TTBK2: variants seen among roughly 807,000 people sequenced by gnomAD.
TTBK2 encodes tau tubulin kinase 2, also known as tau-tubulin kinase 2.
TTBK2 carries 28 observed loss-of-function variants against 110.8 expected under a neutral mutation model. The observed-to-expected ratio is 0.25, with a 90% CI of 0.19 to 0.35. The LOEUF is 0.35. Ranked by LOEUF, TTBK2 falls within the 10% of genes least tolerant of loss-of-function variation. TTBK2 has a pLI of 1.00. For missense variants in TTBK2, 1,369 were observed against 1,500.3 expected, an observed-to-expected ratio of 0.91 and a Z score of 1.45; for synonymous variants, 532 against 527.3, an observed-to-expected ratio of 1.01 and a Z score of -0.12.
chr15:42,915,493 G>A (rs1443497514), intron 1 of TTBK2, among the ~76,000 whole-genome samples: 1 of 152,150 alleles, frequency 6.6e-6, no homozygotes, highest in East Asian at 1.9e-4. Context: ...CTTTATCACA[G>A]CCATGTATGT....
At chr15:42,867,655 G>A (rs531903449) in intron 3 of TTBK2, among the ~76,000 whole-genome samples, 1 of 152,230 alleles carries the variant, frequency 6.6e-6, no homozygotes, top group Non-Finnish European at 1.5e-5. Context: ...CCTATCTGAT[G>A]GCCAAAATCC....
chr15:42,800,495 T>C (rs1891136811), intron 9 of TTBK2, among the ~76,000 whole-genome samples: 1 of 152,214 alleles, frequency 6.6e-6, no homozygotes, highest in South Asian at 2.1e-4. Context: ...GTCCAGCTTT[T>C]GCAAAACCAA....
chr15:42,766,228 C>T (rs544495669), intron 13 of TTBK2, among the ~76,000 whole-genome samples: 1 of 151,864 alleles, frequency 6.6e-6, no homozygotes, highest in South Asian at 2.1e-4. Context: ...GCAAAATAAC[C>T]AGCTAACATC....
At position 42,764,629 on chromosome 15, in the gene TTBK2, C is replaced by T. The variant is rs903876385; in HGVS notation, c.1998+10506G>A. On this transcript the variant is annotated intron_variant, in intron 13 of 14. Transcript: ENST00000267890. ...GAAGCTCGAACTGGGCAGAGCCCACCGCAGCTCAGCAAGGCCTGCTGCCTC... is the reference window on the plus strand; with the variant it reads ...GAAGCTCGAACTGGGCAGAGCCCACTGCAGCTCAGCAAGGCCTGCTGCCTC... 5.3e-5 allele frequency among the ~76,000 whole-genome samples: 8 copies of T among 152,264 alleles called. No homozygotes were observed. In the South Asian group the frequency reaches 1.4e-3, roughly 28 times the overall value.
At chr15:42,878,739 C>T (rs1894924823) in intron 1 of TTBK2, 55 bp from the exon 2 acceptor site, 1 of 1,570,538 alleles carries the variant, frequency 6.4e-7, no homozygotes, top group African/African-American at 1.4e-5. Context: ...CTAATCAACA[C>T]AAATAACATT....
chr15:42,885,298 C>T (rs1299364008), intron 1 of TTBK2, among the ~76,000 whole-genome samples: 1 of 152,220 alleles, frequency 6.6e-6, no homozygotes, highest in African/African-American at 2.4e-5. Flanking sequence ...GACCAACCAG[C>T]CCAAGGAACA....
At chr15:42,801,799 A>G (rs760116690) in intron 9 of TTBK2, 5 of 826,852 alleles carry the variant, frequency 6.0e-6, no homozygotes, top group Admixed American at 5.1e-5. Flanking sequence ...CATCTTGTTC[A>G]TGTAAGCTTC....
intron 6 of TTBK2, among the ~76,000 whole-genome samples, chr15:42,826,021 T>C (rs1892522362): frequency 6.6e-6 from 1 of 152,106 alleles, no homozygotes; most frequent in Non-Finnish European, 1.5e-5. Flanking sequence ...TTGGAATATA[T>C]ATATATATAG....
intron 6 of TTBK2, among the ~76,000 whole-genome samples, chr15:42,822,032 T>A (rs1048672764): frequency 6.6e-6 from 1 of 152,210 alleles, no homozygotes; most frequent in Non-Finnish European, 1.5e-5. Context: ...TAACTAATGA[T>A]ATTGACCATC....
intron 13 of TTBK2, among the ~76,000 whole-genome samples, chr15:42,755,470 T>C (rs751686975): frequency 5.3e-5 from 8 of 152,256 alleles, no homozygotes; most frequent in South Asian, 2.1e-4. Flanking sequence ...GTAAAGCTCA[T>C]TGACATGTAA....
chr15:42,753,020 T>C lies in TTBK2; in HGVS notation c.2226A>G (p.Leu742=), dbSNP rs1315344351. ...LQIDHIGHDM[L]PNIRESNKSQ... Reference sequence around the variant, plus strand: ...ATTTGTTACTTTCTCTAATGTTGGGTAACATGTCATGACCAATGTGATCTA... The same window carrying C: ...ATTTGTTACTTTCTCTAATGTTGGGCAACATGTCATGACCAATGTGATCTA... The change falls in exon 14 of 15, where the codon TTA becomes TTG. Residue 742 remains leucine (L), a synonymous_variant. Transcript: ENST00000267890. 1 of 1,614,154 alleles carries C rather than the reference T, an allele frequency of 6.2e-7. No individual in the cohort carries two copies. The highest frequency in any genetic ancestry group is 8.5e-7 in the Non-Finnish European group (1 of 1,180,034).
intron 13 of TTBK2, among the ~76,000 whole-genome samples, chr15:42,754,270 T>C (rs1416088683): frequency 6.6e-6 from 1 of 151,910 alleles, no homozygotes; most frequent in African/African-American, 2.4e-5. Context: ...TTTGTAGAGA[T>C]GGGGTGTCAC....
chr15:42,784,202 C>T (rs1462179217), intron 10 of TTBK2, among the ~76,000 whole-genome samples: 4 of 152,056 alleles, frequency 2.6e-5, no homozygotes, highest in African/African-American at 9.7e-5. Flanking sequence ...AACAATAACA[C>T]CCTAATTTGA....
At chr15:42,829,191 T>A (rs1892652514) in intron 5 of TTBK2, among the ~76,000 whole-genome samples, 1 of 152,154 alleles carries the variant, frequency 6.6e-6, no homozygotes, top group Non-Finnish European at 1.5e-5. Flanking sequence ...ATATCAGAAA[T>A]CGGTCATTTC....
intron 1 of TTBK2, among the ~76,000 whole-genome samples, chr15:42,887,652 T>C (rs945108712): frequency 2.6e-5 from 4 of 152,174 alleles, no homozygotes; most frequent in Admixed American, 2.6e-4. Context: ...ATCCACCCTG[T>C]GGTGCCAAAC....
chr15:42,840,941 G>A (rs374873677), intron 3 of TTBK2, among the ~76,000 whole-genome samples: 7 of 152,122 alleles, frequency 4.6e-5, no homozygotes, highest in Non-Finnish European at 1.0e-4. Flanking sequence ...AAAATGTGCT[G>A]GCTGGGGCAT....
chr15:42,789,613 A>G (rs1270899051), intron 10 of TTBK2, among the ~76,000 whole-genome samples: 1 of 152,096 alleles, frequency 6.6e-6, no homozygotes, highest in African/African-American at 2.4e-5. Context: ...GCAGGCCTGT[A>G]ATCCCAGCTA....
intron 13 of TTBK2, among the ~76,000 whole-genome samples, chr15:42,759,139 G>C (rs1347118353): frequency 6.6e-6 from 1 of 152,232 alleles, no homozygotes; most frequent in Non-Finnish European, 1.5e-5. Context: ...TGGAGCCTGG[G>C]CTCAGGATCA....
chr15:42,858,209 C>T (rs1894021049), intron 3 of TTBK2, among the ~76,000 whole-genome samples: 1 of 152,118 alleles, frequency 6.6e-6, no homozygotes, highest in Non-Finnish European at 1.5e-5. Flanking sequence ...ACACCCCCTA[C>T]CCCATCTCCA....
Sources: allele counts gnomAD v4.1 joint callset (sites outside exome capture counted in the v4.1 genomes callset), GRCh38; gene constraint gnomAD v4.1.1; transcripts MANE v1.5; gene names NCBI Gene and HGNC (gene_info 2026-07-23, HGNC 2026-07-21).